FAM184A: variants seen among roughly 807,000 people sequenced by gnomAD.
The protein encoded by FAM184A is family with sequence similarity 184 member A.
FAM184A carries 99 observed loss-of-function variants against 143.8 expected under a neutral mutation model. The observed-to-expected ratio is 0.69, with a 90% CI of 0.58 to 0.81. The LOEUF (loss-of-function observed/expected upper bound fraction) is 0.81. FAM184A is among the 40% of genes least tolerant of loss of function. The pLI is 0.00. For synonymous variants in FAM184A, 427 were observed against 446.4 expected (o/e 0.96, Z 0.55); for missense variants, 1,217 against 1,310.5 (o/e 0.93, Z 1.10).
intron 7 of FAM184A, chr6:119,006,102 C>G: frequency 1.3e-6 from 1 of 765,144 alleles, no homozygotes; most frequent in Non-Finnish European, 2.4e-6. Context: ...TGCCTGGTAT[C>G]CTTTTAAGAT....
chr6:119,042,215 G>A (rs541703283), intron 1 of FAM184A, among the ~76,000 whole-genome samples: 37 of 152,206 alleles, frequency 2.4e-4, no homozygotes, highest in Non-Finnish European at 5.1e-4. Context: ...AACCCAGGAC[G>A]ATGGGGGATG....
chr6:119,042,920 T>G (rs1786393673), intron 1 of FAM184A, among the ~76,000 whole-genome samples: 1 of 152,158 alleles, frequency 6.6e-6, no homozygotes, highest in African/African-American at 2.4e-5. Flanking sequence ...AAGAGTAAAG[T>G]CTATTTTTCA....
intron 1 of FAM184A, among the ~76,000 whole-genome samples, chr6:119,096,912 T>TA (rs888453678): frequency 2.0e-5 from 3 of 152,160 alleles, no homozygotes; most frequent in Admixed American, 1.3e-4. Flanking sequence ...GCTCAGAACT[T>TA]AGAGACAAAG....
intron 9 of FAM184A, among the ~76,000 whole-genome samples, 184 bp downstream of exon 9, chr6:119,002,715 T>C (rs567738454): frequency 1.3e-5 from 2 of 152,276 alleles, no homozygotes; most frequent in East Asian, 1.9e-4. Flanking sequence ...TATATAACAA[T>C]GATTTAGCAA....
chr6:119,035,311 T>C (rs1266919716), intron 1 of FAM184A, among the ~76,000 whole-genome samples: 1 of 152,256 alleles, frequency 6.6e-6, no homozygotes. Flanking sequence ...TACCTCATTA[T>C]ACCCTCCTCC....
At chr6:119,023,149 A>G (rs955321581) in intron 2 of FAM184A, 69 bp from the exon 3 acceptor site, 4 of 1,540,874 alleles carry the variant, frequency 2.6e-6, no homozygotes, top group Non-Finnish European at 3.6e-6. Context: ...CATTTAAATT[A>G]TAAGGGTCAG....
chr6:119,071,706 C>A (rs958337811), intron 1 of FAM184A, among the ~76,000 whole-genome samples: 14 of 151,956 alleles, frequency 9.2e-5, no homozygotes, highest in Admixed American at 2.0e-4. Flanking sequence ...GGAAAAGAGG[C>A]CTGTTAGTGT....
At chr6:119,022,732 C>A (rs1785491324) in intron 3 of FAM184A, among the ~76,000 whole-genome samples, 1 of 152,000 alleles carries the variant, frequency 6.6e-6, no homozygotes, top group African/African-American at 2.4e-5. Context: ...AAAAAATTAG[C>A]CAAGCATGGT....
At chr6:119,048,997 A>T (rs1186091687) in intron 1 of FAM184A, among the ~76,000 whole-genome samples, 1 of 152,212 alleles carries the variant, frequency 6.6e-6, no homozygotes, top group Non-Finnish European at 1.5e-5. Context: ...TCACAGAACT[A>T]CAAAAAACTA....
intron 9 of FAM184A, among the ~76,000 whole-genome samples, chr6:118,989,882 G>A (rs1455579381): frequency 2.0e-5 from 3 of 151,966 alleles, no homozygotes; most frequent in East Asian, 1.9e-4. Context: ...AGGCTGGAGT[G>A]CAGTGGCGCG....
intron 1 of FAM184A, among the ~76,000 whole-genome samples, chr6:119,068,001 A>AAAT (rs1787523949): frequency 1.3e-5 from 2 of 151,680 alleles, no homozygotes; most frequent in Admixed American, 1.3e-4. Context: ...CAAACAAACA[A>AAAT]AATAAAGACA....
At chr6:118,962,944 A>G (rs970573695) in intron 16 of FAM184A, 1 of 152,098 alleles carries the variant, frequency 6.6e-6, no homozygotes, top group African/African-American at 2.4e-5. Flanking sequence ...AAAAAATGCA[A>G]TTAATATACA....
rs1554193058 is a variant in FAM184A at position 119,059,674 on chromosome 6, T to TG, written c.159+18466dup. Among the ~76,000 whole-genome samples the TG allele has an allele frequency of 3.3e-5, 5 of 152,316 alleles. No homozygotes were observed. The South Asian group carries it at 8.3e-4, about 25-fold the overall frequency. ...GGTCATGACTAAAGACATAATTACTTGAAGCAAAATGCTGTGCACCCAACT... is the reference window on the plus strand; with the variant it reads ...GGTCATGACTAAAGACATAATTACTTGGAAGCAAAATGCTGTGCACCCAACT... On this transcript the variant is annotated intron_variant, in intron 1 of 17. Transcript: ENST00000338891.
intron 1 of FAM184A, among the ~76,000 whole-genome samples, chr6:119,046,226 C>CTT (rs201528290): frequency 7.0e-6 from 1 of 142,296 alleles, no homozygotes; most frequent in Non-Finnish European, 1.5e-5. Context: ...AAATGTATAC[C>CTT]TTTTTTTTTT....
intron 1 of FAM184A, among the ~76,000 whole-genome samples, chr6:119,143,296 G>T (rs1562167409): frequency 6.6e-6 from 1 of 152,058 alleles, no homozygotes; most frequent in Non-Finnish European, 1.5e-5. Context: ...TAAAATCCAG[G>T]GTTGTGACTT....
chr6:118,990,509 G>A (rs1784343415), intron 9 of FAM184A, among the ~76,000 whole-genome samples: 1 of 152,152 alleles, frequency 6.6e-6, no homozygotes, highest in Non-Finnish European at 1.5e-5. Context: ...TAAAGGCATA[G>A]TAGTGCTGCT....
intron 1 of FAM184A, among the ~76,000 whole-genome samples, chr6:119,042,279 TCTC>T (rs2114729619): frequency 6.6e-6 from 1 of 152,264 alleles, no homozygotes; most frequent in African/African-American, 2.4e-5. Flanking sequence ...TCCTTTTTCT[TCTC>T]CTCTGTTCTC....
At chr6:119,142,148 G>A (rs73767260) in intron 1 of FAM184A, among the ~76,000 whole-genome samples, 11,176 of 152,186 alleles carry the variant, frequency 0.073, 453 homozygotes, top group African/African-American at 0.1. Flanking sequence ...GTATGCCCCA[G>A]CTTGGAGAAT....
At chr6:119,141,701 T>G (rs1772242223) in intron 1 of FAM184A, among the ~76,000 whole-genome samples, 1 of 152,016 alleles carries the variant, frequency 6.6e-6, no homozygotes, top group Admixed American at 6.6e-5. Flanking sequence ...GGTCTTGAAC[T>G]TCTGACCTCA....
Sources: allele counts gnomAD v4.1 joint callset (sites outside exome capture counted in the v4.1 genomes callset), GRCh38; gene constraint gnomAD v4.1.1; transcripts MANE v1.5; gene names NCBI Gene and HGNC (gene_info 2026-07-23, HGNC 2026-07-21).